Variants in LPP observed in about 807,000 individuals in gnomAD.
LPP encodes the protein lipoma-preferred partner.
In LPP, 38 loss-of-function variants were observed where a neutral mutation model predicts 60.4. The observed-to-expected ratio is 0.63, with a 90% CI of 0.49 to 0.83. LPP has a LOEUF of 0.83. Ranked by LOEUF, LPP falls within the 40% of genes least tolerant of loss-of-function variation. The pLI, the probability that LPP is intolerant of heterozygous loss-of-function variation, is 0.00. For synonymous variants in LPP, 328 were observed against 290.8 expected, an observed-to-expected ratio of 1.13 and a Z score of -1.30; for missense variants, 902 against 783.6, an observed-to-expected ratio of 1.15 and a Z score of -1.80.
chr3:188,334,577 C>T lies in LPP; in HGVS notation c.-66-7086C>T, dbSNP rs550850051. On this transcript the variant is annotated intron_variant, in intron 2 of 11. Coordinates refer to ENST00000617246, the MANE Select transcript of LPP (RefSeq NM_001375462.1). ...TCCCGAGTAGCTGGGACTACAGACG[C>T]GCGCTACCACGCCCGGCTAATTTTT... Among the ~76,000 whole-genome samples the T allele has an allele frequency of 3.0e-4, 45 of 151,912 alleles. No homozygotes were observed. In the South Asian group the frequency reaches 4.4e-3, roughly 15 times the overall value.
intron 7 of LPP, among the ~76,000 whole-genome samples, chr3:188,684,574 T>A (rs17607562): frequency 0.13 from 19,981 of 152,154 alleles, 1,485 homozygotes; most frequent in Non-Finnish European, 0.17. Context: ...ATGTCAAAAC[T>A]TTGTCCCATA....
chr3:188,483,461 A>G (rs572164687), intron 4 of LPP, among the ~76,000 whole-genome samples: 1 of 152,226 alleles, frequency 6.6e-6, no homozygotes, highest in Non-Finnish European at 1.5e-5. Context: ...CTACTCCTCC[A>G]TAAATAGAAA....
At chr3:188,407,780 G>GTTTTTTTTTT (rs1268002703) in intron 4 of LPP, among the ~76,000 whole-genome samples, 5 of 94,898 alleles carry the variant, frequency 5.3e-5, no homozygotes, top group Admixed American at 1.2e-4. Context: ...TTTTTTTTTT[G>GTTTTTTTTTT]TTTGTTTGTT....
At chr3:188,537,305 C>T (rs1036465374) in intron 6 of LPP, among the ~76,000 whole-genome samples, 1 of 151,758 alleles carries the variant, frequency 6.6e-6, no homozygotes, top group African/African-American at 2.4e-5. Flanking sequence ...AGGGCCATTG[C>T]CTTTCTAGCA....
At chr3:188,731,518 T>TTTGTTTTGTTTTGTTTTGTTTTGTTTTG (rs1363902303) in intron 8 of LPP, among the ~76,000 whole-genome samples, 1 of 151,172 alleles carries the variant, frequency 6.6e-6, no homozygotes, top group Non-Finnish European at 1.5e-5. Context: ...TTTTGTTTTT[T>TTTGTTTTGTTTTGTTTTGTTTTGTTTTG]TTGTTTTGTT....
chr3:188,174,267 A>G (rs1403807224), intron 1 of LPP, among the ~76,000 whole-genome samples: 2 of 152,242 alleles, frequency 1.3e-5, no homozygotes, highest in African/African-American at 4.8e-5. Flanking sequence ...TTATTCTTGG[A>G]GGCTTTTATC....
At chr3:188,381,940 C>A (rs540621497) in intron 3 of LPP, among the ~76,000 whole-genome samples, 12 of 146,678 alleles carry the variant, frequency 8.2e-5, no homozygotes, top group African/African-American at 3.3e-4. Flanking sequence ...ACCCGATACA[C>A]CCAGCTATTT....
At chr3:188,620,192 AAC>A (rs1265371569) in intron 7 of LPP, among the ~76,000 whole-genome samples, 3 of 152,210 alleles carry the variant, frequency 2.0e-5, no homozygotes, top group South Asian at 4.1e-4. Flanking sequence ...AATTTAATTT[AAC>A]ACAATTAAAT....
chr3:188,301,999 C>G (rs1750040712), intron 2 of LPP, among the ~76,000 whole-genome samples: 1 of 151,776 alleles, frequency 6.6e-6, no homozygotes. Context: ...AACAACAACC[C>G]AGAACATATT....
intron 6 of LPP, among the ~76,000 whole-genome samples, chr3:188,603,132 A>G (rs1365544439): frequency 6.6e-6 from 1 of 151,740 alleles, no homozygotes; most frequent in African/African-American, 2.4e-5. Flanking sequence ...GTGAGCTGGC[A>G]TGGGATAGCA....
intron 4 of LPP, among the ~76,000 whole-genome samples, chr3:188,459,017 G>C (rs1193473556): frequency 6.6e-6 from 1 of 152,126 alleles, no homozygotes; most frequent in African/African-American, 2.4e-5. Context: ...AGATAAACTA[G>C]ATTTTATTTG....
At chr3:188,577,927 C>T (rs550451386) in intron 6 of LPP, among the ~76,000 whole-genome samples, 2 of 151,368 alleles carry the variant, frequency 1.3e-5, no homozygotes, top group Non-Finnish European at 2.9e-5. Context: ...CCCTCCCTGC[C>T]GCCTTCCTTC....
chr3:188,170,124 T>C (rs1282966598), intron 1 of LPP, among the ~76,000 whole-genome samples: 2 of 152,148 alleles, frequency 1.3e-5, no homozygotes, highest in South Asian at 2.1e-4. Flanking sequence ...ATAGCCTGAA[T>C]ATGGAGAGGT....
intron 9 of LPP, among the ~76,000 whole-genome samples, chr3:188,786,251 C>T (rs757194123): frequency 6.6e-6 from 1 of 151,588 alleles, no homozygotes; most frequent in Non-Finnish European, 1.5e-5. Context: ...GGCATGGTGG[C>T]GGGTGCCTAT....
At chr3:188,810,904 T>A (rs1750739562) in intron 9 of LPP, among the ~76,000 whole-genome samples, 1 of 152,118 alleles carries the variant, frequency 6.6e-6, no homozygotes, top group Admixed American at 6.6e-5. Flanking sequence ...ATACCATAAT[T>A]TTTTTGTTCT....
At chr3:188,632,396 G>C (rs1041710284) in intron 7 of LPP, among the ~76,000 whole-genome samples, 1 of 152,196 alleles carries the variant, frequency 6.6e-6, no homozygotes, top group Non-Finnish European at 1.5e-5. Context: ...TAGGGCCTGG[G>C]TGGGGAGACT....
At chr3:188,665,181 G>T (rs1321560527) in intron 7 of LPP, among the ~76,000 whole-genome samples, 1 of 152,152 alleles carries the variant, frequency 6.6e-6, no homozygotes, top group Non-Finnish European at 1.5e-5. Flanking sequence ...TAATGAAATT[G>T]AATGTTGGTA....
At chr3:188,450,599 G>T (rs1285422985) in intron 4 of LPP, among the ~76,000 whole-genome samples, 1 of 152,182 alleles carries the variant, frequency 6.6e-6, no homozygotes, top group East Asian at 1.9e-4. Flanking sequence ...ACAAAAATTA[G>T]CTGGGCATGG....
intron 7 of LPP, among the ~76,000 whole-genome samples, chr3:188,704,219 T>A (rs1235183656): frequency 6.6e-6 from 1 of 152,084 alleles, no homozygotes; most frequent in Non-Finnish European, 1.5e-5. Flanking sequence ...CTTCCCAACC[T>A]CATTTTCAAT....
Sources: gnomAD v4.1 joint callset for allele counts (sites outside exome capture counted in the v4.1 genomes callset) on GRCh38, gnomAD v4.1.1 for gene constraint, MANE v1.5 for transcripts, NCBI Gene and HGNC (gene_info 2026-07-23, HGNC 2026-07-21) for gene names.